Variants in WASHC4 observed in about 807,000 individuals in gnomAD.
The protein encoded by WASHC4 is WASH complex subunit 7.
Under a neutral mutation model 166.6 loss-of-function variants are expected in WASHC4, and 86 were observed. That is an observed-to-expected ratio of 0.52 (90% CI 0.43 to 0.62). The LOEUF (loss-of-function observed/expected upper bound fraction) is 0.62. WASHC4 is among the 20% of genes least tolerant of loss of function. The pLI is 0.00. For missense variants in WASHC4, 1,262 were observed against 1,382.4 expected, an observed-to-expected ratio of 0.91 and a Z score of 1.38; for synonymous variants, 446 against 451.6, an observed-to-expected ratio of 0.99 and a Z score of 0.16.
At chr12:105,162,683 G>A (rs1321878380) in intron 29 of WASHC4, 66 bp from the exon 30 acceptor site, 2 of 798,580 alleles carry the variant, frequency 2.5e-6, no homozygotes, top group Non-Finnish European at 4.4e-6. Context: ...TAAAATGTCT[G>A]TTATAGGAAT....
At position 105,166,982 on chromosome 12, in the gene WASHC4, C is replaced by G. The variant is rs1592928690; in HGVS notation, c.*51C>G. ...GATGAAATCATCAGAATTGTTAAAA[C>G]TTTTGCCAGTGGAATGGATAAACTA... On this transcript the variant is annotated 3_prime_UTR_variant, in exon 33 of 33. Coordinates refer to ENST00000332180, the MANE Select transcript of WASHC4 (RefSeq NM_015275.3). 7.7e-7 allele frequency: 1 copy of G among 1,299,438 alleles called. No homozygotes were observed. The highest frequency in any genetic ancestry group is 1.1e-6 in the Non-Finnish European group (1 of 902,408). 80.5% of individuals were successfully genotyped at this position (1,299,438 alleles called of 1,614,324 possible).
intron 10 of WASHC4, among the ~76,000 whole-genome samples, chr12:105,124,502 A>G (rs1002013830): frequency 1.4e-5 from 2 of 147,476 alleles, no homozygotes; most frequent in Admixed American, 1.4e-4. Flanking sequence ...TGTTTTTGAG[A>G]TGGAGTCTTG....
At chr12:105,135,416 A>C (rs772833466) in intron 14 of WASHC4, among the ~76,000 whole-genome samples, 1 of 148,210 alleles carries the variant, frequency 6.7e-6, no homozygotes, top group South Asian at 2.1e-4. Context: ...TTTTTCTTCT[A>C]GCTTTTAAAG....
intron 14 of WASHC4, among the ~76,000 whole-genome samples, chr12:105,134,972 T>C (rs939612114): frequency 1.3e-5 from 2 of 151,972 alleles, no homozygotes; most frequent in Non-Finnish European, 2.9e-5. Flanking sequence ...TATTATTTTA[T>C]TGTTCTTTTA....
chr12:105,168,708 T>G lies in WASHC4; in HGVS notation c.*1777T>G, dbSNP rs1884933263. The G allele has an allele frequency of 6.6e-6, 1 of 151,996 alleles. No homozygotes were observed. Among genetic ancestry groups the G allele is most frequent in the African/African-American group, 2.4e-5 (1 of 41,432 alleles). 9.4% of individuals were successfully genotyped at this position (151,996 alleles called of 1,614,324 possible). A position where few individuals can be genotyped will look rare whatever the true frequency, so the allele number is the denominator to read the frequency against. ...GAAAATGACAGACAATTATTTTTCC[T>G]TTAGGTCAAAATAATGTCACTGCTA... On this transcript the variant is annotated 3_prime_UTR_variant, in exon 33 of 33. Transcript: ENST00000332180.
At chr12:105,150,815 G>A (rs1338937053) in intron 25 of WASHC4, among the ~76,000 whole-genome samples, 1 of 152,092 alleles carries the variant, frequency 6.6e-6, no homozygotes, top group African/African-American at 2.4e-5. Context: ...TAATCATGGC[G>A]GAAGGTACCT....
chr12:105,147,214 C>T (rs1883367899), intron 24 of WASHC4, 68 bp downstream of exon 24: 1 of 914,328 alleles, frequency 1.1e-6, no homozygotes, highest in Non-Finnish European at 1.8e-6. Flanking sequence ...GTGGTTTTCT[C>T]ATAGAATATT....
intron 10 of WASHC4, among the ~76,000 whole-genome samples, chr12:105,125,118 C>T (rs1196827): frequency 0.5 from 76,633 of 151,966 alleles, 19,443 homozygotes; most frequent in Middle Eastern, 0.69. Flanking sequence ...TCAAGGTTAC[C>T]TTTAGTTTAT....
chr12:105,111,168 T>C lies in WASHC4; in HGVS notation c.105T>C (p.Leu35=), dbSNP rs1223569500. The C allele has an allele frequency of 1.9e-6, 3 of 1,607,462 alleles. No individual in the cohort carries two copies. The highest frequency in any genetic ancestry group is 2.6e-6 in the Non-Finnish European group (3 of 1,174,518). The part of the protein sequence containing the change: ...EVQLKNYGKF[L]EEYTSQLRRI... ...AACTTAAGAATTATGGGAAATTTCT[T>C]GAGGAGTATACCTCTCAACTGAGAA... Residue 35 remains leucine, a synonymous_variant, in exon 2 of 33, where the codon CTT becomes CTC. Transcript: ENST00000332180.
chr12:105,138,162 C>A, intron 15 of WASHC4, 151 bp downstream of exon 15: 1 of 654,896 alleles, frequency 1.5e-6, no homozygotes, highest in Non-Finnish European at 2.4e-6. Context: ...AGGAACTAGC[C>A]ATTTAAATAA....
Position 105,168,344 on chromosome 12 carries a change from A to C in WASHC4, c.*1413A>C, listed in dbSNP as rs923776507. Reference sequence around the variant, plus strand: ...TGGCTTACAGAATTATGAACAGTGGATAGATTAAAGGCATTTAATATTTGT... The same window carrying C: ...TGGCTTACAGAATTATGAACAGTGGCTAGATTAAAGGCATTTAATATTTGT... On this transcript the variant is annotated 3_prime_UTR_variant, in exon 33 of 33. Coordinates refer to ENST00000332180, the MANE Select transcript of WASHC4 (RefSeq NM_015275.3). 2 of 152,550 alleles carry C rather than the reference A, an allele frequency of 1.3e-5. No homozygotes were observed. The highest frequency in any genetic ancestry group is 6.5e-5 in the Admixed American group (1 of 15,274). The allele number at this position is 152,550 out of a possible 1,614,324, so 9.4% of individuals were successfully genotyped here.
intron 1 of WASHC4, 43 bp downstream of exon 1, chr12:105,107,904 C>T: frequency 2.8e-6 from 4 of 1,427,454 alleles, no homozygotes; most frequent in East Asian, 2.5e-5. Flanking sequence ...GACGCTCCTT[C>T]GGCCCGCCGC....
intron 11 of WASHC4, 27 bp downstream of exon 11, chr12:105,126,154 T>C (rs2135751560): frequency 6.2e-7 from 1 of 1,612,900 alleles, no homozygotes; most frequent in East Asian, 2.2e-5. Flanking sequence ...TTTTTGGTTT[T>C]TGTTTATAAA....
At chr12:105,114,459 A>G (rs1879981996) in intron 4 of WASHC4, 32 bp downstream of exon 4, 1 of 1,375,220 alleles carries the variant, frequency 7.3e-7, no homozygotes, top group Non-Finnish European at 1.0e-6. Context: ...TTAAAACTTT[A>G]AAAACATCAT....
At position 105,114,282 on chromosome 12, in the gene WASHC4, A is replaced by G; in HGVS notation, c.255+13A>G. On this transcript the variant is annotated intron_variant, in intron 3 of 32. Coordinates refer to ENST00000332180, the MANE Select transcript of WASHC4 (RefSeq NM_015275.3). ...GACTGAAAACAAGGTACAGAATCCTAAATCTAAAAAATTGTTTTAAAAATG... is the reference window on the plus strand; with the variant it reads ...GACTGAAAACAAGGTACAGAATCCTGAATCTAAAAAATTGTTTTAAAAATG... 6.2e-7 allele frequency: 1 copy of G among 1,606,760 alleles called. No individual in the cohort carries two copies. The highest frequency in any genetic ancestry group is 8.5e-7 in the Non-Finnish European group (1 of 1,175,140).
At chr12:105,149,225 C>T (rs1327140702) in intron 24 of WASHC4, 3 of 985,242 alleles carry the variant, frequency 3.0e-6, no homozygotes, top group South Asian at 9.4e-5. Flanking sequence ...TAGTATCATT[C>T]TAGACCTGTA....
chr12:105,143,278 ATGTTTGGAATGTAG>A (rs781358757), intron 20 of WASHC4, 35 bp downstream of exon 20: 1 of 1,189,046 alleles, frequency 8.4e-7, no homozygotes, highest in South Asian at 1.2e-5. Flanking sequence ...AGCTTAAAAC[ATGTTTGGAATGTAG>A]TGTTTGGAAA....
chr12:105,134,571 G>C lies in WASHC4; in HGVS notation c.1326+675G>C, dbSNP rs76349208. On this transcript the variant is annotated intron_variant, in intron 14 of 32. Coordinates refer to ENST00000332180, the MANE Select transcript of WASHC4 (RefSeq NM_015275.3). ...TTCCTAGTAAATTAGACCTTTTCTT[G>C]TTAAGAAATATTCCTTGTTATCTCT... Among the ~76,000 whole-genome samples the C allele has an allele frequency of 2.9e-3, 439 of 152,060 alleles. 18 individuals carry two copies. The East Asian group carries it at 0.073, about 25-fold the overall frequency.
At chr12:105,134,628 G>T (rs570639551) in intron 14 of WASHC4, among the ~76,000 whole-genome samples, 7 of 152,076 alleles carry the variant, frequency 4.6e-5, no homozygotes, top group Admixed American at 1.3e-4. Flanking sequence ...TCTCTTTCGT[G>T]TGATATTAAC....
Sources: allele counts gnomAD v4.1 joint callset (sites outside exome capture counted in the v4.1 genomes callset), GRCh38; gene constraint gnomAD v4.1.1; transcripts MANE v1.5; gene names NCBI Gene and HGNC (gene_info 2026-07-23, HGNC 2026-07-21).